ARSG: variants seen among roughly 807,000 people sequenced by gnomAD.
ARSG encodes the protein arylsulfatase G, also known as ASG.
ARSG carries 37 observed loss-of-function variants against 50.5 expected under a neutral mutation model. The observed-to-expected ratio is 0.73, with a 90% CI of 0.56 to 0.96. The LOEUF is 0.96. ARSG is among the 50% of genes least tolerant of loss of function. ARSG has a pLI of 0.00. For missense variants in ARSG, 629 were observed against 675.3 expected, an observed-to-expected ratio of 0.93 and a Z score of 0.76; for synonymous variants, 225 against 254.6, an observed-to-expected ratio of 0.88 and a Z score of 1.11.
At chr17:68,398,158 T>C (rs766442695) in intron 10 of ARSG, among the ~76,000 whole-genome samples, 11 of 152,256 alleles carry the variant, frequency 7.2e-5, no homozygotes, top group Non-Finnish European at 1.3e-4. Flanking sequence ...TGCATATGCA[T>C]GCTTATACCA....
intron 1 of ARSG, among the ~76,000 whole-genome samples, chr17:68,297,630 A>C (rs892167209): frequency 6.6e-6 from 1 of 152,072 alleles, no homozygotes; most frequent in Admixed American, 6.6e-5. Flanking sequence ...TTTTAAAATT[A>C]AAAAAATTTT....
chr17:68,324,253 A>ACCAC (rs1358263719), intron 2 of ARSG, among the ~76,000 whole-genome samples: 1 of 152,030 alleles, frequency 6.6e-6, no homozygotes, highest in African/African-American at 2.4e-5. Flanking sequence ...AAACATGTTG[A>ACCAC]CCACGCTGAC....
the ARSG span, among the ~76,000 whole-genome samples, chr17:68,437,948 TAAAAAAAA>T: frequency 2.3e-3 from 179 of 78,798 alleles, 2 homozygotes; most frequent in South Asian, 4.5e-3. Context: ...ACATCTCTCT[TAAAAAAAA>T]AAAAAAAAAA....
upstream of ARSG, chr17:68,291,235 G>C (rs1329581350): frequency 1.6e-4 from 24 of 151,616 alleles, no homozygotes; most frequent in Middle Eastern, 6.8e-3. Flanking sequence ...GCTCGGGCTG[G>C]TGAGGCCCGA....
intron 11 of ARSG, among the ~76,000 whole-genome samples, chr17:68,417,024 T>A (rs2082413597): frequency 6.6e-6 from 1 of 152,204 alleles, no homozygotes; most frequent in South Asian, 2.1e-4. Flanking sequence ...CTAGTGTGAT[T>A]TTTTGGGGAG....
At chr17:68,345,492 T>C (rs182100792) in intron 3 of ARSG, among the ~76,000 whole-genome samples, 66 of 152,308 alleles carry the variant, frequency 4.3e-4, no homozygotes, top group African/African-American at 1.5e-3. Flanking sequence ...CTTGACTGTT[T>C]AGCTGCATTC....
At chr17:68,382,358 T>C (rs2080478033) in intron 8 of ARSG, among the ~76,000 whole-genome samples, 1 of 152,212 alleles carries the variant, frequency 6.6e-6, no homozygotes, top group African/African-American at 2.4e-5. Flanking sequence ...GAGGTTGTCA[T>C]AAGGATTCAA....
At chr17:68,268,840 A>G in intron 1 of ARSG, 2 of 511,798 alleles carry the variant, frequency 3.9e-6, no homozygotes, top group Non-Finnish European at 6.8e-6. Flanking sequence ...GCTACTGAAT[A>G]CAGCCAGATT....
intron 1 of ARSG, among the ~76,000 whole-genome samples, chr17:68,265,322 T>C (rs1176663299): frequency 2.6e-5 from 4 of 151,786 alleles, no homozygotes; most frequent in African/African-American, 9.7e-5. Context: ...GGCAAAATCC[T>C]GTCTCCACTA....
downstream of ARSG, among the ~76,000 whole-genome samples, chr17:68,425,186 C>T (rs1457631841): frequency 1.3e-5 from 2 of 152,178 alleles, no homozygotes; most frequent in African/African-American, 4.8e-5. Flanking sequence ...ACCTGCTGCC[C>T]TCCACAGAGC....
chr17:68,417,623 G>A (rs769778650), intron 11 of ARSG, among the ~76,000 whole-genome samples: 7 of 150,490 alleles, frequency 4.7e-5, no homozygotes, highest in Non-Finnish European at 8.8e-5. Context: ...GTGGGTTTCT[G>A]CTCTGTTAAG....
chr17:68,272,538 A>G, intron 1 of ARSG: 1 of 1,363,502 alleles, frequency 7.3e-7, no homozygotes, highest in Non-Finnish European at 1.0e-6. Flanking sequence ...TTACACATAC[A>G]CTGAAAGTCA....
chr17:68,365,969 G>T (rs922552847), intron 6 of ARSG, among the ~76,000 whole-genome samples: 5 of 151,656 alleles, frequency 3.3e-5, no homozygotes, highest in Non-Finnish European at 7.4e-5. Flanking sequence ...ACAGAGTCTC[G>T]CTCTGTCGCC....
At chr17:68,393,547 A>G (rs1448786585) in intron 9 of ARSG, among the ~76,000 whole-genome samples, 1 of 152,168 alleles carries the variant, frequency 6.6e-6, no homozygotes, top group Non-Finnish European at 1.5e-5. Context: ...TGCTTCCTTT[A>G]AGTGAAAGGT....
chr17:68,343,506 T>C (rs770031257), intron 2 of ARSG, 98 bp from the exon 3 acceptor site: 15 of 1,199,828 alleles, frequency 1.3e-5, no homozygotes, highest in Non-Finnish European at 1.7e-5. Context: ...CTTTGATCTT[T>C]GAGCACTGAA....
intron 11 of ARSG, among the ~76,000 whole-genome samples, chr17:68,402,004 A>C (rs1021872029): frequency 2.0e-5 from 3 of 152,120 alleles, no homozygotes; most frequent in African/African-American, 7.2e-5. Flanking sequence ...CCCGAGTCCT[A>C]CTGTCTTTCC....
At chr17:68,314,159 G>A (rs1382081063) in intron 2 of ARSG, among the ~76,000 whole-genome samples, 5 of 152,056 alleles carry the variant, frequency 3.3e-5, no homozygotes, top group Non-Finnish European at 5.9e-5. Flanking sequence ...TCATCCCCTG[G>A]AGTTTTGCTT....
At chr17:68,334,112 G>T (rs1349917609) in intron 2 of ARSG, among the ~76,000 whole-genome samples, 1 of 152,188 alleles carries the variant, frequency 6.6e-6, no homozygotes, top group Non-Finnish European at 1.5e-5. Context: ...CAGTGCATAT[G>T]TTGGCGCACA....
rs564457913 is a variant in ARSG, at chr17:68,367,779, G to A, written c.705-769G>A. On this transcript the variant is annotated intron_variant, in intron 6 of 11. Transcript: ENST00000621439. This position sits in a 1 kb window ranked among gnomAD's most constrained non-coding sequence, Gnocchi z 4.5. Reference sequence around the variant, plus strand: ...AGACAACCATTTATCTCTTAGAAAGGAACAAGGCTGGCCAGGCACAGTGGC... The same window carrying A: ...AGACAACCATTTATCTCTTAGAAAGAAACAAGGCTGGCCAGGCACAGTGGC... Among the ~76,000 whole-genome samples the A allele has an allele frequency of 6.6e-6, 1 of 152,162 alleles. No homozygotes were observed. Among genetic ancestry groups the A allele is most frequent in the South Asian group, 2.1e-4 (1 of 4,818 alleles).
Sources: allele counts gnomAD v4.1 joint callset (sites outside exome capture counted in the v4.1 genomes callset), GRCh38; gene constraint gnomAD v4.1.1; non-coding constraint Gnocchi (gnomAD v3.1); transcripts MANE v1.5; gene names NCBI Gene and HGNC (gene_info 2026-07-23, HGNC 2026-07-21).